Variants in PPP3R1 observed in about 807,000 individuals in gnomAD.
PPP3R1 encodes protein phosphatase 3 regulatory subunit B, alpha.
Under a neutral mutation model 22.6 loss-of-function variants are expected in PPP3R1, and 5 were observed. The observed-to-expected ratio is 0.22, with a 90% CI of 0.12 to 0.46. PPP3R1 has a LOEUF of 0.46. Among genes scored for constraint, PPP3R1 ranks in the 20% least tolerant of loss-of-function variants. The probability of loss-of-function intolerance (pLI) is 0.99; values close to 1 mark genes in which losing one functional copy is unlikely to be tolerated. For synonymous variants in PPP3R1, 56 were observed against 65.2 expected, an observed-to-expected ratio of 0.86 and a Z score of 0.68; for missense variants, 61 against 203.2, an observed-to-expected ratio of 0.30 and a Z score of 4.25.
At chr2:68,244,568 T>C (rs6761855) in intron 1 of PPP3R1, among the ~76,000 whole-genome samples, 3,998 of 152,244 alleles carry the variant, frequency 0.026, 157 homozygotes, top group African/African-American at 0.092. Context: ...TCTTTTAATG[T>C]CTATCCTTTC....
At chr2:68,211,173 G>A (rs915834382) in intron 2 of PPP3R1, among the ~76,000 whole-genome samples, 2 of 152,094 alleles carry the variant, frequency 1.3e-5, no homozygotes, top group Middle Eastern at 3.2e-3. Flanking sequence ...TTGGGAGGCC[G>A]AGACAGGCGG....
chr2:68,191,744 A>G (rs1558628517), intron 2 of PPP3R1, among the ~76,000 whole-genome samples: 1 of 152,204 alleles, frequency 6.6e-6, no homozygotes, highest in Admixed American at 6.5e-5. Flanking sequence ...AGATCATATA[A>G]GCACTTCATA....
At chr2:68,206,116 C>T (rs1042862561) in intron 2 of PPP3R1, among the ~76,000 whole-genome samples, 92 of 152,250 alleles carry the variant, frequency 6.0e-4, no homozygotes, top group African/African-American at 1.8e-3. Context: ...CCGCGCCCGG[C>T]GGCTCTTAAA....
At chr2:68,248,605 T>C (rs1670281061) in intron 1 of PPP3R1, among the ~76,000 whole-genome samples, 1 of 152,210 alleles carries the variant, frequency 6.6e-6, no homozygotes, top group Non-Finnish European at 1.5e-5. Context: ...GGGTGGGGCC[T>C]GACAAGTTTC....
chr2:68,232,022 G>C (rs1669911998), intron 1 of PPP3R1, among the ~76,000 whole-genome samples: 1 of 150,206 alleles, frequency 6.7e-6, no homozygotes. Context: ...CACTTTGGGA[G>C]GCCAAGGCGG....
chr2:68,239,449 T>C (rs997016456), intron 1 of PPP3R1, among the ~76,000 whole-genome samples: 8 of 152,154 alleles, frequency 5.3e-5, no homozygotes, highest in African/African-American at 1.7e-4. Context: ...AGTGCATGGA[T>C]AGACACTGTT....
chr2:68,252,145 CGGCTCGCT>C lies in PPP3R1; in HGVS notation c.-26_-19del, dbSNP rs568956761. The stretch of plus-strand genomic sequence containing the variant: ...CTCACCATTTTGCTCGGCGGGTCGG[CGGCTCGCT>C]GGCTCGCTGGCTCGGAGAAGTGTTG... On this transcript the variant is annotated 5_prime_UTR_variant, in exon 1 of 6. Coordinates refer to ENST00000234310, the MANE Select transcript of PPP3R1 (RefSeq NM_000945.4). The C allele has an allele frequency of 8.0e-3, 11,412 of 1,426,182 alleles. 80 individuals are homozygous for C. The highest frequency in any genetic ancestry group is 9.8e-3 in the Non-Finnish European group (10,509 of 1,069,136). 88.3% of individuals were successfully genotyped at this position (1,426,182 alleles called of 1,614,324 possible).
intron 1 of PPP3R1, among the ~76,000 whole-genome samples, chr2:68,228,576 T>C (rs1222476465): frequency 6.6e-6 from 1 of 152,184 alleles, no homozygotes; most frequent in Non-Finnish European, 1.5e-5. Context: ...TACTTGTCAG[T>C]CTTACTGATG....
At chr2:68,200,166 T>A (rs949563618) in intron 2 of PPP3R1, among the ~76,000 whole-genome samples, 9 of 152,232 alleles carry the variant, frequency 5.9e-5, no homozygotes, top group African/African-American at 2.2e-4. Context: ...GTCCATTTCA[T>A]CTAAGGTATG....
At chr2:68,244,257 T>C (rs1394660538) in intron 1 of PPP3R1, among the ~76,000 whole-genome samples, 2 of 152,218 alleles carry the variant, frequency 1.3e-5, no homozygotes, top group African/African-American at 4.8e-5. Context: ...TCTAGATTTA[T>C]TTCCTAGGTC....
In PPP3R1 at chr2:68,188,440, T is replaced by TG. The variant is rs1307483789; in HGVS notation, c.220+73_220+74insC. 3 of 1,262,898 alleles carry TG rather than the reference T, an allele frequency of 2.4e-6. No individual in the cohort carries two copies. The African/African-American group carries it at 4.6e-5, about 20-fold the overall frequency. The allele number at this position is 1,262,898 out of a possible 1,614,324, so 78.2% of individuals were successfully genotyped here. A position where few individuals can be genotyped will look rare whatever the true frequency, so the allele number is the denominator to read the frequency against. On this transcript the variant is annotated intron_variant, in intron 3 of 5. Transcript: ENST00000234310. ...ACTAGGAATATAAGCACTTTTTTTT[T>TG]TTTTTTACACAGAGCTGTAAGAATA...
intron 2 of PPP3R1, among the ~76,000 whole-genome samples, chr2:68,211,467 T>C (rs1341043211): frequency 6.6e-6 from 1 of 150,558 alleles, no homozygotes; most frequent in Admixed American, 6.6e-5. Flanking sequence ...GAGCTTTCAG[T>C]GAGTTGTAAT....
At chr2:68,229,959 T>A (rs907263946) in intron 1 of PPP3R1, among the ~76,000 whole-genome samples, 10 of 104,040 alleles carry the variant, frequency 9.6e-5, no homozygotes, top group African/African-American at 3.4e-4. Flanking sequence ...TGTGTGTGTG[T>A]ATATATACAC....
intron 1 of PPP3R1, among the ~76,000 whole-genome samples, chr2:68,219,196 C>T (rs1669637777): frequency 6.6e-6 from 1 of 152,158 alleles, no homozygotes; most frequent in Non-Finnish European, 1.5e-5. Context: ...ACAGCACCAC[C>T]ATCTCTATCC....
chr2:68,231,394 G>GT (rs1035815644), intron 1 of PPP3R1, among the ~76,000 whole-genome samples: 4 of 151,156 alleles, frequency 2.6e-5, no homozygotes, highest in Admixed American at 2.0e-4. Flanking sequence ...ATGTACGTCA[G>GT]TTTTTTCTTT....
In PPP3R1 at chr2:68,206,217, G is replaced by A. The variant is rs369217347; in HGVS notation, c.43+10875C>T. ...AGTCGACTGTGTTATAAACTGAAGA[G>A]AGGAAGAAGCTGAAGACATATGGGA... On this transcript the variant is annotated intron_variant, in intron 2 of 5. Transcript: ENST00000234310. Among the ~76,000 whole-genome samples the A allele has an allele frequency of 3.9e-5, 6 of 152,280 alleles. No individual in the cohort carries two copies. In the South Asian group the frequency reaches 8.3e-4, roughly 21 times the overall value.
At chr2:68,229,958 GTA>G (rs1171268975) in intron 1 of PPP3R1, among the ~76,000 whole-genome samples, 46 of 105,942 alleles carry the variant, frequency 4.3e-4, no homozygotes, top group African/African-American at 1.1e-3. Flanking sequence ...ATGTGTGTGT[GTA>G]TATATACACA....
intron 2 of PPP3R1, among the ~76,000 whole-genome samples, chr2:68,195,018 C>A (rs1674738951): frequency 1.3e-5 from 2 of 152,056 alleles, no homozygotes; most frequent in African/African-American, 4.8e-5. Flanking sequence ...AGAAAAAGAA[C>A]ACTCTCCAAG....
At chr2:68,196,707 A>T (rs371699098) in intron 2 of PPP3R1, among the ~76,000 whole-genome samples, 2 of 152,084 alleles carry the variant, frequency 1.3e-5, no homozygotes, top group Admixed American at 6.5e-5. Context: ...CCAACAAAAG[A>T]AGTATCACAT....
Sources: gnomAD v4.1 joint callset for allele counts (sites outside exome capture counted in the v4.1 genomes callset) on GRCh38, gnomAD v4.1.1 for gene constraint, MANE v1.5 for transcripts, NCBI Gene and HGNC (gene_info 2026-07-23, HGNC 2026-07-21) for gene names.